The following PLGRKT variants were observed in gnomAD, a reference collection of about 807,000 sequenced individuals.
PLGRKT encodes the protein plasminogen receptor with a C-terminal lysine, also known as plasminogen receptor (KT).
A neutral mutation model predicts 18.5 loss-of-function variants in PLGRKT; 22 were observed. The observed-to-expected ratio is 1.19, with a 90% CI of 0.85 to 1.70. PLGRKT has a LOEUF of 1.70. Ranked by LOEUF, PLGRKT falls within the 40% of genes most tolerant of loss-of-function variation. The probability of loss-of-function intolerance (pLI) is 0.00; values close to 1 mark genes in which losing one functional copy is unlikely to be tolerated. For synonymous variants in PLGRKT, 72 were observed against 52.8 expected, an observed-to-expected ratio of 1.36 and a Z score of -1.58; for missense variants, 235 against 174.4, an observed-to-expected ratio of 1.35 and a Z score of -1.96.
chr9:5,409,794 C>A (rs183641638), intron 3 of PLGRKT, among the ~76,000 whole-genome samples: 2 of 152,324 alleles, frequency 1.3e-5, no homozygotes, highest in East Asian at 3.9e-4. Flanking sequence ...ATGCATGGGG[C>A]CTGTAGCCCC....
chr9:5,413,746 T>G (rs1818408263), intron 3 of PLGRKT, among the ~76,000 whole-genome samples: 1 of 152,240 alleles, frequency 6.6e-6, no homozygotes, highest in South Asian at 2.1e-4. Flanking sequence ...TATGTTGTTT[T>G]AAATCACTAA....
intron 3 of PLGRKT, among the ~76,000 whole-genome samples, chr9:5,374,689 G>C (rs1817594272): frequency 6.6e-6 from 1 of 152,064 alleles, no homozygotes; most frequent in Non-Finnish European, 1.5e-5. Context: ...ATAATTTTAG[G>C]CAAGTCTTTA....
intron 3 of PLGRKT, among the ~76,000 whole-genome samples, chr9:5,427,368 G>C (rs1243495897): frequency 6.6e-6 from 1 of 152,028 alleles, no homozygotes; most frequent in Non-Finnish European, 1.5e-5. Context: ...ATACCAAAGA[G>C]AAGCAATAAA....
intron 3 of PLGRKT, among the ~76,000 whole-genome samples, chr9:5,425,289 A>G (rs1818674877): frequency 6.6e-6 from 1 of 152,226 alleles, no homozygotes; most frequent in African/African-American, 2.4e-5. Context: ...TTTACCACTC[A>G]TCCACCATCC....
intron 3 of PLGRKT, among the ~76,000 whole-genome samples, chr9:5,390,056 T>C (rs1306313051): frequency 6.6e-6 from 1 of 151,610 alleles, no homozygotes; most frequent in African/African-American, 2.4e-5. Context: ...GGAAATCTAG[T>C]GGAGTCAAAG....
In PLGRKT at chr9:5,361,172, C is replaced by CT. The variant is rs765091847; in HGVS notation, c.227dup (p.Lys77GlufsTer20). On this transcript the variant is annotated frameshift_variant, in exon 5 of 6. Coordinates refer to ENST00000223864, the MANE Select transcript of PLGRKT (RefSeq NM_018465.4). LOFTEE classifies it high-confidence loss of function. ...CAATCGGGACCAGGAAGGCTGGCTT[C>CT]TTTTTTTTAATCGCTCTGTTTCAAG... 99 of 1,598,264 alleles carry CT rather than the reference C, an allele frequency of 6.2e-5. No homozygotes were observed. Among genetic ancestry groups the CT allele is most frequent in the Non-Finnish European group, 7.1e-5 (83 of 1,168,444 alleles).
intron 3 of PLGRKT, among the ~76,000 whole-genome samples, chr9:5,404,059 C>T (rs1230342672): frequency 1.3e-5 from 2 of 152,080 alleles, no homozygotes; most frequent in East Asian, 3.9e-4. Flanking sequence ...ACACATACAC[C>T]CTTCTCAAGA....
At chr9:5,388,847 G>A (rs984584675) in intron 3 of PLGRKT, among the ~76,000 whole-genome samples, 2 of 152,052 alleles carry the variant, frequency 1.3e-5, no homozygotes, top group African/African-American at 4.8e-5. Flanking sequence ...GATTAAAGGC[G>A]TTCATATATG....
At position 5,386,492 on chromosome 9, in the gene PLGRKT, C is replaced by G. The variant is rs149727873; in HGVS notation, c.82-24604G>C. On this transcript the variant is annotated intron_variant, in intron 3 of 5. Coordinates refer to ENST00000223864, the MANE Select transcript of PLGRKT (RefSeq NM_018465.4). ...GAACATCATATGATATGCAGTGGAC[C>G]CCCACACACACACAACAAAACAATT... 1.2e-3 allele frequency among the ~76,000 whole-genome samples: 188 copies of G among 151,734 alleles called. 1 individual carries two copies. Among genetic ancestry groups the G allele is most frequent in the Non-Finnish European group, 2.5e-3 (167 of 68,002 alleles).
At chr9:5,373,625 C>G (rs1001337709) in intron 3 of PLGRKT, among the ~76,000 whole-genome samples, 3 of 152,062 alleles carry the variant, frequency 2.0e-5, no homozygotes. Context: ...CATAGTGTGA[C>G]TCTGTCTCTA....
Position 5,414,443 on chromosome 9 carries a change from C to T in PLGRKT, c.81+17454G>A, listed in dbSNP as rs149010089. Among the ~76,000 whole-genome samples, 31 of 152,302 alleles carry T rather than the reference C, an allele frequency of 2.0e-4. No individual in the cohort carries two copies. In the East Asian group the frequency reaches 5.0e-3, roughly 25 times the overall value. On this transcript the variant is annotated intron_variant, in intron 3 of 5. Transcript: ENST00000223864. ...TCGGCCTCCCAAAGTGGTGGGATTACAGGCATGAGCTACCGTGAATGTATC... is the reference window on the plus strand; with the variant it reads ...TCGGCCTCCCAAAGTGGTGGGATTATAGGCATGAGCTACCGTGAATGTATC...
At chr9:5,420,418 C>G (rs1818552797) in intron 3 of PLGRKT, among the ~76,000 whole-genome samples, 2 of 151,942 alleles carry the variant, frequency 1.3e-5, no homozygotes, top group African/African-American at 4.8e-5. Flanking sequence ...ATTTTTTTCA[C>G]AAGTGAAAAA....
intron 3 of PLGRKT, among the ~76,000 whole-genome samples, chr9:5,403,166 C>G (rs16923142): frequency 0.032 from 4,879 of 151,324 alleles, 359 homozygotes; most frequent in African/African-American, 0.11. Flanking sequence ...TTCACCAATA[C>G]TAGGTGCTTT....
At chr9:5,396,843 A>G (rs1818059157) in intron 3 of PLGRKT, among the ~76,000 whole-genome samples, 1 of 151,918 alleles carries the variant, frequency 6.6e-6, no homozygotes, top group South Asian at 2.1e-4. Flanking sequence ...TAAATCTACA[A>G]CTCCAACAAA....
intron 3 of PLGRKT, 97 bp downstream of exon 3, chr9:5,431,800 T>C: frequency 1.5e-6 from 1 of 654,628 alleles, no homozygotes; most frequent in Non-Finnish European, 2.8e-6. Flanking sequence ...AAGAACATTT[T>C]ATTGTTGGGA....
intron 3 of PLGRKT, among the ~76,000 whole-genome samples, chr9:5,385,848 C>G (rs186483149): frequency 5.9e-5 from 9 of 151,980 alleles, no homozygotes; most frequent in East Asian, 5.8e-4. Flanking sequence ...TACAGCAAAA[C>G]CCTTGGAAGA....
At chr9:5,432,755 C>T (rs1379031525) in intron 2 of PLGRKT, among the ~76,000 whole-genome samples, 1 of 152,210 alleles carries the variant, frequency 6.6e-6, no homozygotes, top group Non-Finnish European at 1.5e-5. Context: ...GCCTCGGCCT[C>T]CCGAGGTGCT....
At chr9:5,435,176 A>G (rs2131185372) in intron 2 of PLGRKT, among the ~76,000 whole-genome samples, 1 of 152,288 alleles carries the variant, frequency 6.6e-6, no homozygotes, top group Non-Finnish European at 1.5e-5. Flanking sequence ...GGACACAAAC[A>G]GGGCCAAAGG....
rs190813194 is a variant in PLGRKT at position 5,418,923 on chromosome 9, C to A, written c.81+12974G>T. The A allele has an allele frequency of 1.2e-6, 1 of 820,272 alleles. No individual in the cohort carries two copies. The highest frequency in any genetic ancestry group is 1.7e-5 in the African/African-American group (1 of 58,492). 50.8% of individuals were successfully genotyped at this position (820,272 alleles called of 1,614,324 possible). On this transcript the variant is annotated intron_variant, in intron 3 of 5. Coordinates refer to ENST00000223864, the MANE Select transcript of PLGRKT (RefSeq NM_018465.4). This position sits in a 1 kb window ranked among gnomAD's most constrained non-coding sequence, Gnocchi z 4.2. The stretch of plus-strand genomic sequence containing the variant: ...GCAACTTGGCCTTCACTAGGGGCTG[C>A]AGTAATTAAAACAGATCTGACATTC...
Sources: allele counts gnomAD v4.1 joint callset (sites outside exome capture counted in the v4.1 genomes callset), GRCh38; gene constraint gnomAD v4.1.1; non-coding constraint Gnocchi (gnomAD v3.1); transcripts MANE v1.5; gene names NCBI Gene and HGNC (gene_info 2026-07-23, HGNC 2026-07-21).